SPEF2: variants seen among roughly 807,000 people sequenced by gnomAD.
SPEF2 encodes sperm flagellar and cilia associated 2.
Under a neutral mutation model 224.6 loss-of-function variants are expected in SPEF2, and 187 were observed. That is an observed-to-expected ratio of 0.83 (90% CI 0.74 to 0.94). The LOEUF (loss-of-function observed/expected upper bound fraction) is 0.94. Ranked by LOEUF, SPEF2 falls within the 40% of genes least tolerant of loss-of-function variation. SPEF2 has a pLI of 0.00. For missense variants in SPEF2, 2,170 were observed against 2,135.6 expected (o/e 1.02, Z -0.32); for synonymous variants, 715 against 707.3 (o/e 1.01, Z -0.17).
chr5:35,786,521 G>A (rs1231303643), intron 30 of SPEF2, among the ~76,000 whole-genome samples: 4 of 152,116 alleles, frequency 2.6e-5, no homozygotes, highest in African/African-American at 4.8e-5. Flanking sequence ...TTAGCCGGGC[G>A]TGGTGGCAGT....
chr5:35,706,718 C>T (rs1739847999), intron 18 of SPEF2, among the ~76,000 whole-genome samples: 1 of 152,020 alleles, frequency 6.6e-6, no homozygotes, highest in Admixed American at 6.6e-5. Context: ...TTAAAATTGC[C>T]CATAGACATA....
Position 35,658,817 on chromosome 5 carries a change from C to G in SPEF2, c.979-202C>G, listed in dbSNP as rs1359692867. Among the ~76,000 whole-genome samples, 4 of 152,056 alleles carry G rather than the reference C, an allele frequency of 2.6e-5. No homozygotes were observed. In the East Asian group the frequency reaches 7.7e-4, roughly 29 times the overall value. ...TTTAAAGTAATTGTGAGTTGCAAAGCCATAATGTTTCTAAACACCAACTTT... is the reference window on the plus strand; with the variant it reads ...TTTAAAGTAATTGTGAGTTGCAAAGGCATAATGTTTCTAAACACCAACTTT... On this transcript the variant is annotated intron_variant, in intron 7 of 36. Coordinates refer to ENST00000356031, the MANE Select transcript of SPEF2 (RefSeq NM_024867.4).
intron 23 of SPEF2, among the ~76,000 whole-genome samples, chr5:35,747,374 C>T (rs1356730526): frequency 6.6e-6 from 1 of 152,188 alleles, no homozygotes; most frequent in Non-Finnish European, 1.5e-5. Flanking sequence ...CCTAAAGGCT[C>T]CACTTAAAAG....
chr5:35,788,386 A>C (rs1317965689), intron 30 of SPEF2: 2 of 702,996 alleles, frequency 2.8e-6, no homozygotes, highest in Admixed American at 4.0e-5. Context: ...GAATGTTTAC[A>C]TACTTTATTG....
In SPEF2 at chr5:35,771,451, T is replaced by C. The variant is rs555178034; in HGVS notation, c.3802-158T>C. 7.2e-5 allele frequency among the ~76,000 whole-genome samples: 11 copies of C among 152,304 alleles called. No homozygotes were observed. The East Asian group carries it at 2.1e-3, about 29-fold the overall frequency. ...GGACAGGGCCAGGTTTCCACTTAAG[T>C]AAAACATGGTGGGGTGTGTTTTGTA... On this transcript the variant is annotated intron_variant, in intron 26 of 36. Transcript: ENST00000356031.
In SPEF2 at chr5:35,641,691, C is replaced by A. The variant is rs1746644139; in HGVS notation, c.414+8C>A. On this transcript the variant is annotated splice_region_variant and intron_variant, in intron 3 of 36. Transcript: ENST00000356031. ...AGTGATACTTTTCAAGAGGTAGGTA[C>A]ATAAAAAAGCATAATAAGCATGTCA... 6.2e-7 allele frequency: 1 copy of A among 1,605,618 alleles called. No homozygotes were observed. The highest frequency in any genetic ancestry group is 8.5e-7 in the Non-Finnish European group (1 of 1,177,084).
chr5:35,804,584 A>G (rs753628903), intron 34 of SPEF2, among the ~76,000 whole-genome samples: 1 of 152,088 alleles, frequency 6.6e-6, no homozygotes, highest in Non-Finnish European at 1.5e-5. Context: ...CCACTGAGCC[A>G]CTAAGCCTAT....
At chr5:35,692,323 A>G (rs998253515) in intron 11 of SPEF2, among the ~76,000 whole-genome samples, 1 of 152,022 alleles carries the variant, frequency 6.6e-6, no homozygotes, top group Admixed American at 6.5e-5. Flanking sequence ...AGGCAGTAGA[A>G]TTGCTTGAAC....
At chr5:35,740,557 G>A (rs1366836250) in intron 23 of SPEF2, among the ~76,000 whole-genome samples, 1 of 152,160 alleles carries the variant, frequency 6.6e-6, no homozygotes, top group Non-Finnish European at 1.5e-5. Context: ...GTGGGTCAAT[G>A]TAACTGTGCT....
intron 20 of SPEF2, among the ~76,000 whole-genome samples, chr5:35,722,650 A>T (rs1743931284): frequency 1.3e-5 from 1 of 74,222 alleles, no homozygotes; most frequent in Non-Finnish European, 2.5e-5. Flanking sequence ...CCCACCCCAC[A>T]ACAGTCCCCA....
chr5:35,651,898 G>GA (rs1256880790), intron 6 of SPEF2, among the ~76,000 whole-genome samples: 2 of 152,102 alleles, frequency 1.3e-5, no homozygotes, highest in African/African-American at 4.8e-5. Flanking sequence ...GTGTAACAAG[G>GA]TTCCTCCATT....
chr5:35,811,656 A>T (rs1320348637), intron 36 of SPEF2, among the ~76,000 whole-genome samples: 1 of 151,718 alleles, frequency 6.6e-6, no homozygotes, highest in African/African-American at 2.4e-5. Context: ...GAGATAATAC[A>T]TATAAAGTGT....
In SPEF2 at chr5:35,776,402, T is replaced by C; in HGVS notation, c.4217+7T>C. ...ATTTGAATGAAATGGCCAGGTAAAG[T>C]ACTACATGACTTTCTGAAAATATGC... On this transcript the variant is annotated splice_region_variant and intron_variant, in intron 29 of 36. Coordinates refer to ENST00000356031, the MANE Select transcript of SPEF2 (RefSeq NM_024867.4). 6.2e-7 allele frequency: 1 copy of C among 1,603,372 alleles called. No homozygotes were observed. The highest frequency in any genetic ancestry group is 8.5e-7 in the Non-Finnish European group (1 of 1,176,294).
intron 10 of SPEF2, among the ~76,000 whole-genome samples, chr5:35,687,840 G>A (rs1047781218): frequency 1.3e-5 from 2 of 152,034 alleles, no homozygotes; most frequent in African/African-American, 4.8e-5. Context: ...GTCAAATTTT[G>A]AAGCTTTCTA....
At chr5:35,624,725 C>T (rs916978301) in intron 1 of SPEF2, among the ~76,000 whole-genome samples, 35 of 152,168 alleles carry the variant, frequency 2.3e-4, no homozygotes, top group African/African-American at 8.2e-4. Context: ...CAACCTCCGC[C>T]TCCTGGGTTC....
intron 10 of SPEF2, chr5:35,670,827 G>A: frequency 1.0e-6 from 1 of 980,284 alleles, no homozygotes; most frequent in Non-Finnish European, 1.2e-6. Context: ...GTTCATTAAG[G>A]GCTAATAGAT....
At chr5:35,673,005 CTATT>C (rs770972176) in intron 10 of SPEF2, among the ~76,000 whole-genome samples, 6 of 152,338 alleles carry the variant, frequency 3.9e-5, no homozygotes, top group Non-Finnish European at 7.3e-5. Context: ...TCATCACACT[CTATT>C]TATGTGAGAA....
At position 35,649,576 on chromosome 5, in the gene SPEF2, T is replaced by G. The variant is rs1039253950; in HGVS notation, c.791+151T>G. ...TCAGAGAGTAATTAGGGAAGATAAA[T>G]GAGCTAAAGTTCAGATTGTTAGCAA... On this transcript the variant is annotated intron_variant, in intron 6 of 36. Transcript: ENST00000356031. 7.6e-6 allele frequency: 4 copies of G among 529,724 alleles called. No homozygotes were observed. The African/African-American group carries it at 7.7e-5, about 10-fold the overall frequency. The allele number at this position is 529,724 out of a possible 1,614,324, so 32.8% of individuals were successfully genotyped here.
At chr5:35,814,099 T>G (rs905915211) in intron 36 of SPEF2, among the ~76,000 whole-genome samples, 2 of 152,116 alleles carry the variant, frequency 1.3e-5, no homozygotes, top group Admixed American at 6.6e-5. Flanking sequence ...GCATTTACTT[T>G]CATAGAGGGT....
Sources: allele counts gnomAD v4.1 joint callset (sites outside exome capture counted in the v4.1 genomes callset), GRCh38; gene constraint gnomAD v4.1.1; transcripts MANE v1.5; gene names NCBI Gene and HGNC (gene_info 2026-07-23, HGNC 2026-07-21).